The following MYO16 variants were observed in gnomAD, a reference collection of about 807,000 sequenced individuals.
MYO16 encodes myosin XVI.
MYO16 carries 94 observed loss-of-function variants against 205.3 expected under a neutral mutation model. The ratio of observed to expected loss-of-function variants is 0.46; its 90% CI spans 0.39 to 0.54. The LOEUF (loss-of-function observed/expected upper bound fraction) is 0.54. Among genes scored for constraint, MYO16 ranks in the 20% least tolerant of loss-of-function variants. The pLI is 0.00. For missense variants in MYO16, 2,315 were observed against 2,387.5 expected (o/e 0.97, Z 0.63); for synonymous variants, 988 against 954.0 (o/e 1.04, Z -0.66).
chr13:108,914,934 C>T (rs530729133), intron 16 of MYO16, among the ~76,000 whole-genome samples: 72 of 152,280 alleles, frequency 4.7e-4, no homozygotes, highest in South Asian at 1.9e-3. Context: ...TGAACCACTG[C>T]GCCCGACCTG....
At chr13:108,599,686 G>A (rs188468826) in intron 1 of MYO16, among the ~76,000 whole-genome samples, 4 of 152,206 alleles carry the variant, frequency 2.6e-5, no homozygotes, top group Non-Finnish European at 4.4e-5. Flanking sequence ...TGCCCGCTGT[G>A]AGGTTTCTGT....
intron 4 of MYO16, among the ~76,000 whole-genome samples, chr13:108,767,055 T>A (rs9587678): frequency 0.068 from 10,397 of 152,136 alleles, 608 homozygotes; most frequent in East Asian, 0.24. Flanking sequence ...CTTCCATAAA[T>A]ATATTTTTGT....
rs75981152 is a variant in MYO16 at position 108,707,809 on chromosome 13, T to G, written c.293-4852T>G. Among the ~76,000 whole-genome samples the G allele has an allele frequency of 8.2e-3, 1,248 of 152,310 alleles. 10 individuals are homozygous for G. Among genetic ancestry groups the G allele is most frequent in the East Asian group, 0.041 (213 of 5,172 alleles). On this transcript the variant is annotated intron_variant, in intron 2 of 34. Transcript: ENST00000457511. ...AGGGACCATCTGCACCAGAATCTCC[T>G]GCAGTGTGTGTGCATGTGTTTTTTT...
intron 16 of MYO16, among the ~76,000 whole-genome samples, chr13:108,917,748 G>T (rs1426473021): frequency 1.3e-5 from 2 of 152,202 alleles, no homozygotes; most frequent in Non-Finnish European, 2.9e-5. Flanking sequence ...TTTGTGGTCT[G>T]AATATATCTC....
intron 1 of MYO16, among the ~76,000 whole-genome samples, chr13:108,609,596 A>G (rs1879096265): frequency 6.6e-6 from 1 of 152,254 alleles, no homozygotes; most frequent in African/African-American, 2.4e-5. Flanking sequence ...ACATGAGCAC[A>G]GCAGAAGCCA....
At chr13:109,065,303 A>T (rs1887710861) in intron 27 of MYO16, among the ~76,000 whole-genome samples, 1 of 152,178 alleles carries the variant, frequency 6.6e-6, no homozygotes, top group African/African-American at 2.4e-5. Context: ...GGGAGCATCC[A>T]TGTATAGCCC....
In MYO16 at chr13:108,883,092, C is replaced by G; in HGVS notation, c.1459C>G (p.Leu487Val). The G allele has an allele frequency of 6.2e-7, 1 of 1,614,094 alleles. No individual in the cohort carries two copies. Among genetic ancestry groups the G allele is most frequent in the East Asian group, 2.2e-5 (1 of 44,864 alleles). Reference sequence around the variant, plus strand: ...GCTGTATTTCAGCTCCTCAGGGAAGCTGTGTTCCTCGCTGCCTCCTCACCT... The same window carrying G: ...GCTGTATTTCAGCTCCTCAGGGAAGGTGTGTTCCTCGCTGCCTCCTCACCT... ...SQLYFSSSGK[L>V]CSSLPPHLFS... Residue 487 changes from leucine to valine, a missense_variant, in exon 13 of 35, where the codon CTG (leucine) becomes GTG (valine). Coordinates refer to ENST00000457511, the MANE Select transcript of MYO16 (RefSeq NM_001198950.3).
At chr13:109,099,173 T>A (rs1288882747) in intron 27 of MYO16, among the ~76,000 whole-genome samples, 1 of 152,228 alleles carries the variant, frequency 6.6e-6, no homozygotes, top group Non-Finnish European at 1.5e-5. Flanking sequence ...TAGCAGCTCC[T>A]GAGCCAAATG....
chr13:109,138,217 A>G (rs994493529), intron 31 of MYO16, among the ~76,000 whole-genome samples: 2 of 152,226 alleles, frequency 1.3e-5, no homozygotes, highest in African/African-American at 4.8e-5. Flanking sequence ...GTGCAGTCAT[A>G]GAGAGGGAAG....
intron 27 of MYO16, among the ~76,000 whole-genome samples, chr13:109,082,383 G>T (rs191931320): frequency 9.2e-5 from 14 of 152,268 alleles, no homozygotes; most frequent in Admixed American, 3.9e-4. Flanking sequence ...TAATTTTAAT[G>T]AACTGAAGGG....
At chr13:108,611,657 T>C (rs1879174892) in intron 1 of MYO16, among the ~76,000 whole-genome samples, 1 of 152,186 alleles carries the variant, frequency 6.6e-6, no homozygotes, top group African/African-American at 2.4e-5. Flanking sequence ...TGGGCTCAGA[T>C]ATTCCATTTG....
chr13:109,124,717 C>T (rs1293745969), intron 29 of MYO16, among the ~76,000 whole-genome samples: 2 of 152,122 alleles, frequency 1.3e-5, no homozygotes, highest in Admixed American at 6.5e-5. Flanking sequence ...CAAAGACAAA[C>T]CCCATAAGCC....
the MYO16 span, among the ~76,000 whole-genome samples, chr13:108,578,515 C>T: frequency 2.0e-5 from 3 of 152,110 alleles, no homozygotes; most frequent in South Asian, 2.1e-4. Context: ...GCATCTGGCC[C>T]AGGATTCCAT....
At chr13:109,131,459 G>C (rs762196268) in intron 31 of MYO16, among the ~76,000 whole-genome samples, 2 of 152,160 alleles carry the variant, frequency 1.3e-5, no homozygotes, top group African/African-American at 2.4e-5. Context: ...CCTCAAAAGC[G>C]TGAAACAATT....
the MYO16 span, among the ~76,000 whole-genome samples, chr13:108,587,787 CA>C: frequency 6.6e-6 from 1 of 152,114 alleles, no homozygotes. Flanking sequence ...TTTTAAACAC[CA>C]GCTTATTATA....
At chr13:108,886,311 TA>T (rs148087685) in intron 13 of MYO16, 54,805 of 417,790 alleles carry the variant, frequency 0.13, 3,957 homozygotes, top group East Asian at 0.3. Context: ...TTTTTAAAGT[TA>T]ATGATTCCCT....
intron 2 of MYO16, among the ~76,000 whole-genome samples, chr13:108,689,822 C>G (rs1199071024): frequency 6.6e-6 from 1 of 151,988 alleles, no homozygotes; most frequent in Non-Finnish European, 1.5e-5. Flanking sequence ...TCATTTCCAG[C>G]AGAAAATAAT....
At chr13:109,007,257 G>A (rs1044620424) in intron 21 of MYO16, among the ~76,000 whole-genome samples, 4 of 152,058 alleles carry the variant, frequency 2.6e-5, no homozygotes, top group South Asian at 2.1e-4. Context: ...GTGAGGTGGC[G>A]GGCGCCTGTA....
the MYO16 span, among the ~76,000 whole-genome samples, chr13:108,573,608 G>T: frequency 6.6e-6 from 1 of 152,140 alleles, no homozygotes; most frequent in Non-Finnish European, 1.5e-5. Flanking sequence ...GGATAAGGAG[G>T]TCAGTTTTCT....
Sources: allele counts gnomAD v4.1 joint callset (sites outside exome capture counted in the v4.1 genomes callset), GRCh38; gene constraint gnomAD v4.1.1; transcripts MANE v1.5; gene names NCBI Gene and HGNC (gene_info 2026-07-23, HGNC 2026-07-21).